KIF4A: variants seen among roughly 807,000 people sequenced by gnomAD.
KIF4A encodes kinesin family member 4A, also known as chromosome-associated kinesin KIF4A.
In KIF4A, 7 loss-of-function variants were observed where a neutral mutation model predicts 105.9. That is an observed-to-expected ratio of 0.07 (90% confidence interval 0.04 to 0.12). The LOEUF (loss-of-function observed/expected upper bound fraction) is 0.12, where lower values mean the gene tolerates loss of function less well. Ranked by LOEUF, KIF4A falls within the 10% of genes least tolerant of loss-of-function variation. The pLI is 1.00. For synonymous variants in KIF4A, 281 were observed against 331.3 expected (o/e 0.85, Z 1.65); for missense variants, 558 against 929.2 (o/e 0.60, Z 5.19).
chrX:70,346,787 C>T (rs750430839), intron 13 of KIF4A, among the ~76,000 whole-genome samples: 3 of 111,548 alleles, frequency 2.7e-5, no homozygotes, highest in Non-Finnish European at 3.8e-5. Flanking sequence ...GTTCGGAGAC[C>T]CTCCCAGCTA....
rs961901794 is a variant in KIF4A at position 70,325,147 on chromosome X, C to T, written c.779-4258C>T. Among the ~76,000 whole-genome samples, 4 of 112,148 alleles carry T rather than the reference C, an allele frequency of 3.6e-5. 1 individual carries two copies. The Admixed American group carries it at 3.8e-4, about 11-fold the overall frequency. ...CATAGGAGCTTTTTAAAAAATAAAA[C>T]CTTACAACAAATTCTAACATTTGAA... On this transcript the variant is annotated intron_variant, in intron 7 of 30. Transcript: ENST00000374403.
At position 70,420,078 on chromosome X, in the gene KIF4A, G is replaced by A; in HGVS notation, c.3512G>A (p.Cys1171Tyr). 2.5e-6 allele frequency: 3 copies of A among 1,210,702 alleles called. No homozygotes were observed. The highest frequency in any genetic ancestry group is 3.4e-6 in the Non-Finnish European group (3 of 895,034). Residue 1171 changes from cysteine (C) to tyrosine (Y), a missense_variant, in exon 31 of 31, where the codon TGC becomes TAC. Around this residue, in one of 2 missense-constraint regions of KIF4A, gnomAD observed 469 missense variants for 680.4 expected, o/e 0.69. Coordinates refer to ENST00000374403, the MANE Select transcript of KIF4A (RefSeq NM_012310.5). ...CCCTCCTAGATCCTGAAAGAGATGT[G>A]CGATGTGGAGCAGGTGCTGTCAAAG... ...TPNSKILKEM[C>Y]DVEQVLSKKT... is the part of the protein sequence containing the mutation.
intron 28 of KIF4A, among the ~76,000 whole-genome samples, chrX:70,415,652 T>C (rs1416714301): frequency 1.9e-5 from 2 of 106,210 alleles, no homozygotes; most frequent in Non-Finnish European, 3.9e-5. Context: ...TACATAGGAA[T>C]GATAAACACC....
chrX:70,399,988 T>C (rs1425955057), intron 22 of KIF4A, among the ~76,000 whole-genome samples: 1 of 106,244 alleles, frequency 9.4e-6, no homozygotes, highest in African/African-American at 3.4e-5. Flanking sequence ...ACAAAGTTTA[T>C]TAATAAGTTT....
At chrX:70,373,264 T>C (rs1480199141) in intron 15 of KIF4A, among the ~76,000 whole-genome samples, 1 of 94,733 alleles carries the variant, frequency 1.1e-5, no homozygotes, top group African/African-American at 4.0e-5. Flanking sequence ...AGTGAGACTC[T>C]GTCTCAAAAG....
chrX:70,392,415 G>C (rs2086240783), intron 20 of KIF4A, among the ~76,000 whole-genome samples: 1 of 111,448 alleles, frequency 9.0e-6, no homozygotes, highest in African/African-American at 3.3e-5. Flanking sequence ...GGTAGTTTGT[G>C]TGTTTCAGAG....
intron 10 of KIF4A, among the ~76,000 whole-genome samples, chrX:70,338,413 A>C (rs1398994496): frequency 1.8e-5 from 2 of 112,252 alleles, no homozygotes; most frequent in African/African-American, 6.5e-5. Flanking sequence ...TAGAGGATGT[A>C]GTCTTTTTTT....
intron 26 of KIF4A, 53 bp downstream of exon 26, chrX:70,405,958 GAGGCCA>G: frequency 3.0e-6 from 3 of 1,005,509 alleles, no homozygotes; most frequent in Non-Finnish European, 4.2e-6. Flanking sequence ...CGTTGCTACT[GAGGCCA>G]GCTCTTGGGA....
At chrX:70,339,480 T>C (rs1052983454) in intron 10 of KIF4A, among the ~76,000 whole-genome samples, 1 of 112,527 alleles carries the variant, frequency 8.9e-6, no homozygotes, top group African/African-American at 3.2e-5. Context: ...TCCAGACTTC[T>C]GATTGTCTAG....
At chrX:70,367,217 G>A (rs762477759) in intron 15 of KIF4A, among the ~76,000 whole-genome samples, 1 of 111,803 alleles carries the variant, frequency 8.9e-6, no homozygotes, top group East Asian at 2.8e-4. Context: ...TTGCCAGTCT[G>A]TGTCTTTTAA....
At position 70,351,907 on chromosome X, in the gene KIF4A, G is replaced by A. The variant is rs186240571; in HGVS notation, c.1432-693G>A. On this transcript the variant is annotated intron_variant, in intron 13 of 30. Coordinates refer to ENST00000374403, the MANE Select transcript of KIF4A (RefSeq NM_012310.5). ...AGAGTAGCTGTGATTACAGGTGCTC[G>A]CCACCACGCCCGGCTAATTTTTTTT... 1.4e-4 allele frequency among the ~76,000 whole-genome samples: 15 copies of A among 110,784 alleles called. No homozygotes were observed. The East Asian group carries it at 3.4e-3, about 25-fold the overall frequency.
Position 70,333,840 on chromosome X carries a change from A to T in KIF4A, c.1133+151A>T, listed in dbSNP as rs904133335. ...TTTAGGACTTAGTTATGTTTGAAGC[A>T]GCCTAATGTAACAGAAAGAGCATGG... On this transcript the variant is annotated intron_variant, in intron 10 of 30. Coordinates refer to ENST00000374403, the MANE Select transcript of KIF4A (RefSeq NM_012310.5). 5.0e-5 allele frequency: 20 copies of T among 403,832 alleles called. No individual in the cohort carries two copies. The African/African-American group carries it at 5.0e-4, about 10-fold the overall frequency. The allele number at this position is 403,832 out of a possible 1,213,427, so 33.3% of individuals were successfully genotyped here.
chrX:70,415,861 CT>C (rs1162374099), intron 28 of KIF4A, among the ~76,000 whole-genome samples: 3,505 of 57,323 alleles, frequency 0.061, 21 homozygotes, highest in African/African-American at 0.081. Context: ...TGCATTATTT[CT>C]TTTTTTTTTT....
chrX:70,362,257 C>T (rs965874074), intron 15 of KIF4A: 9 of 363,735 alleles, frequency 2.5e-5, no homozygotes, highest in Admixed American at 2.4e-4. Context: ...ATCTTCTCAT[C>T]CACCACATCC....
chrX:70,312,777 T>C (rs2085855542), intron 7 of KIF4A, among the ~76,000 whole-genome samples: 1 of 111,970 alleles, frequency 8.9e-6, no homozygotes, highest in Admixed American at 9.5e-5. Context: ...CACTTCAATC[T>C]AATCTTATAA....
chrX:70,329,080 ATTAAT>A (rs1401292448), intron 7 of KIF4A, among the ~76,000 whole-genome samples: 2 of 111,966 alleles, frequency 1.8e-5, no homozygotes, highest in Non-Finnish European at 3.8e-5. Context: ...ATTTCACAGC[ATTAAT>A]TTAAAGATTA....
chrX:70,342,558 A>G (rs1195551064), intron 11 of KIF4A, among the ~76,000 whole-genome samples: 2 of 112,200 alleles, frequency 1.8e-5, no homozygotes, highest in Non-Finnish European at 3.8e-5. Context: ...AATCTTTGAT[A>G]GCACGACTGT....
At chrX:70,352,297 T>G (rs763856663) in intron 13 of KIF4A, among the ~76,000 whole-genome samples, 20 of 111,719 alleles carry the variant, frequency 1.8e-4, no homozygotes, top group African/African-American at 5.5e-4. Flanking sequence ...CCTTTTGGAA[T>G]GGCTAAATGT....
At chrX:70,325,962 A>G (rs2085909489) in intron 7 of KIF4A, among the ~76,000 whole-genome samples, 1 of 111,761 alleles carries the variant, frequency 8.9e-6, no homozygotes, top group Admixed American at 9.5e-5. Context: ...TATTATACAC[A>G]TTGGTGAATG....
Sources: gnomAD v4.1 joint callset for allele counts (sites outside exome capture counted in the v4.1 genomes callset) on GRCh38, gnomAD v4.1.1 for gene constraint, gnomAD v4.1.1 regional missense constraint, MANE v1.5 for transcripts, NCBI Gene and HGNC (gene_info 2026-07-23, HGNC 2026-07-21) for gene names.